ABCA10: variants seen among roughly 807,000 people sequenced by gnomAD.
The protein encoded by ABCA10 is ATP-binding cassette sub-family A member 10.
A neutral mutation model predicts 187.5 loss-of-function variants in ABCA10; 169 were observed. That is an observed-to-expected ratio of 0.90 (90% CI 0.80 to 1.02). The LOEUF is 1.02. ABCA10 is among the 50% of genes least tolerant of loss of function. ABCA10 has a pLI of 0.00. For missense variants in ABCA10, 1,727 were observed against 1,812.4 expected (o/e 0.95, Z 0.86); for synonymous variants, 574 against 601.8 (o/e 0.95, Z 0.68).
rs775350011 is a variant in ABCA10, at chr17:69,214,685, A to G, written c.1006+19T>C. Reference sequence around the variant, plus strand: ...ACAGAATTGCTTTAAATTTAACTTTAACCACACTATTAACTTACCAGGTAA... The same window carrying G: ...ACAGAATTGCTTTAAATTTAACTTTGACCACACTATTAACTTACCAGGTAA... On this transcript the variant is annotated intron_variant, in intron 9 of 38. Coordinates refer to ENST00000690296, the MANE Select transcript of ABCA10 (RefSeq NM_001377321.1). 1 of 1,448,212 alleles carries G rather than the reference A, an allele frequency of 6.9e-7. No individual in the cohort carries two copies. The highest frequency in any genetic ancestry group is 1.5e-5 in the South Asian group (1 of 68,694). The allele number at this position is 1,448,212 out of a possible 1,614,324, so 89.7% of individuals were successfully genotyped here.
chr17:69,196,118 C>A (rs1403138666), intron 11 of ABCA10: 2 of 162,648 alleles, frequency 1.2e-5, no homozygotes, highest in Admixed American at 6.5e-5. Flanking sequence ...GGGCCCCCCA[C>A]CTCCCAGACG....
At chr17:69,221,050 G>GATA (rs1476667995) in intron 5 of ABCA10, among the ~76,000 whole-genome samples, 1 of 152,136 alleles carries the variant, frequency 6.6e-6, no homozygotes, top group Non-Finnish European at 1.5e-5. Flanking sequence ...AAAACATATG[G>GATA]GATAGAAAGA....
intron 20 of ABCA10, 104 bp downstream of exon 20, chr17:69,185,373 A>G: frequency 1.7e-6 from 2 of 1,186,276 alleles, no homozygotes; most frequent in Non-Finnish European, 2.3e-6. Flanking sequence ...AAATGGAGCA[A>G]GCTGGATAGA....
intron 26 of ABCA10, 93 bp from the exon 27 acceptor site, chr17:69,164,247 T>C (rs1410365040): frequency 8.9e-6 from 9 of 1,006,294 alleles, no homozygotes; most frequent in African/African-American, 1.7e-5. Flanking sequence ...TGATGTTCTA[T>C]GGGACAACAG....
At chr17:69,177,993 T>TTATATATATATATATATATATGTTA (rs72337114) in intron 22 of ABCA10, among the ~76,000 whole-genome samples, 1 of 110,208 alleles carries the variant, frequency 9.1e-6, no homozygotes, top group Non-Finnish European at 2.1e-5. Context: ...TATATATATG[T>TTATATATATATATATATATATGTTA]TATATATATA....
rs768928197 is a variant in ABCA10 at position 69,148,898 on chromosome 17, C to T, written c.4561G>A (p.Glu1521Lys). The T allele has an allele frequency of 3.5e-5, 56 of 1,613,556 alleles. No individual in the cohort carries two copies. The highest frequency in any genetic ancestry group is 4.6e-5 in the Non-Finnish European group (54 of 1,179,830). ...QVFLELCKEQ[E>K]LGNVDDKIDT... Reference sequence around the variant, plus strand: ...ATTTTATCATCAACATTTCCCAGCTCCTGCTCTTTACAGAGTTCTAAGAAT... The same window carrying T: ...ATTTTATCATCAACATTTCCCAGCTTCTGCTCTTTACAGAGTTCTAAGAAT... Residue 1521 changes from glutamate to lysine, a missense_variant, in exon 39 of 39, where the codon GAG (glutamate) becomes AAG (lysine). Coordinates refer to ENST00000690296, the MANE Select transcript of ABCA10 (RefSeq NM_001377321.1).
intron 27 of ABCA10, 131 bp downstream of exon 27, chr17:69,163,943 A>C: frequency 1.7e-6 from 1 of 594,848 alleles, no homozygotes; most frequent in East Asian, 3.4e-5. Flanking sequence ...TCTTGCTGCC[A>C]TTATATTGGA....
intron 18 of ABCA10, among the ~76,000 whole-genome samples, chr17:69,188,109 C>T (rs1353345071): frequency 2.6e-5 from 4 of 152,120 alleles, no homozygotes; most frequent in African/African-American, 9.7e-5. Context: ...TCCTAACAAG[C>T]ATTTATTCTT....
intron 26 of ABCA10, 122 bp downstream of exon 26, chr17:69,164,842 A>T: frequency 1.6e-6 from 2 of 1,238,600 alleles, no homozygotes; most frequent in Non-Finnish European, 2.2e-6. Flanking sequence ...TCTTATTTTT[A>T]GAATTTATCA....
rs139433241 is a variant in ABCA10, at chr17:69,219,561, G to A, written c.514C>T (p.Arg172Ter). The A allele has an allele frequency of 7.2e-4, 1,144 of 1,591,400 alleles. 6 individuals are homozygous for A. In the African/African-American group the frequency reaches 0.011, roughly 15 times the overall value. The change falls in exon 6 of 39, where the codon CGA (arginine) becomes TGA (stop). Residue 172 changes from arginine to a stop codon, truncating the protein, a stop_gained. Transcript: ENST00000690296. LOFTEE classifies it high-confidence loss of function. ...TTAACTTACCAGAATGCTGACTCTC[G>A]GAGACCCATCACTGTCATCAGTTTC... ...FKKLMTVMGLRESAFWLSWGL... is the reference protein window; with the variant it reads ...FKKLMTVMGL
At chr17:69,244,411 TG>T (rs924591947) in intron 1 of ABCA10, 1 of 151,978 alleles carries the variant, frequency 6.6e-6, no homozygotes, top group African/African-American at 2.4e-5. Context: ...CAAAATGACT[TG>T]TCTTAAATTT....
rs1379299526 is a variant in ABCA10, at chr17:69,182,815, T to C, written c.2498-7A>G. ...AGGTCTTCAATATTTGATCCTAACA[T>C]AGTGGAAGGAAGGCAACAAGAAAAA... On this transcript the variant is annotated splice_region_variant and splice_polypyrimidine_tract_variant and intron_variant, in intron 20 of 38. Transcript: ENST00000690296. 1.3e-6 allele frequency: 2 copies of C among 1,523,286 alleles called. No individual in the cohort carries two copies. The highest frequency in any genetic ancestry group is 1.8e-4 in the Middle Eastern group (1 of 5,636). The allele number at this position is 1,523,286 out of a possible 1,614,324, so 94.4% of individuals were successfully genotyped here. A position where few individuals can be genotyped will look rare whatever the true frequency, so the allele number is the denominator to read the frequency against.
Position 69,155,141 on chromosome 17 carries a change from A to T in ABCA10, c.3577-5T>A, listed in dbSNP as rs1269580747. On this transcript the variant is annotated splice_region_variant and splice_polypyrimidine_tract_variant and intron_variant, in intron 29 of 38. Coordinates refer to ENST00000690296, the MANE Select transcript of ABCA10 (RefSeq NM_001377321.1). ...GCTTGCAGTTATGACTGGTTCCTGGAAAACATGACAAAGCATGATTTCCCT... is the reference window on the plus strand; with the variant it reads ...GCTTGCAGTTATGACTGGTTCCTGGTAAACATGACAAAGCATGATTTCCCT... 2 of 1,561,296 alleles carry T rather than the reference A, an allele frequency of 1.3e-6. No individual in the cohort carries two copies. The highest frequency in any genetic ancestry group is 2.7e-5 in the African/African-American group (2 of 73,238).
At chr17:69,224,367 C>T (rs1021477684) in intron 3 of ABCA10, among the ~76,000 whole-genome samples, 3 of 152,066 alleles carry the variant, frequency 2.0e-5, no homozygotes, top group Non-Finnish European at 4.4e-5. Context: ...TGTTCAGAAC[C>T]CTGGCAGAAT....
intron 27 of ABCA10, among the ~76,000 whole-genome samples, chr17:69,162,162 C>G (rs1234456834): frequency 6.6e-6 from 1 of 152,158 alleles, no homozygotes. Context: ...AAGACAAGAG[C>G]AGAGCATTCA....
chr17:69,201,165 T>A (rs1200285726), intron 10 of ABCA10, among the ~76,000 whole-genome samples: 1 of 152,210 alleles, frequency 6.6e-6, no homozygotes, highest in Non-Finnish European at 1.5e-5. Context: ...TTGAAAAACG[T>A]GTATAATATA....
intron 19 of ABCA10, among the ~76,000 whole-genome samples, chr17:69,186,578 T>TCTACTTTCA (rs2074423466): frequency 6.6e-6 from 1 of 152,216 alleles, no homozygotes. Flanking sequence ...AAAAGAGTTG[T>TCTACTTTCA]CTACTTTCAG....
intron 28 of ABCA10, 68 bp from the exon 29 acceptor site, chr17:69,155,993 C>T (rs1215399773): frequency 7.5e-6 from 11 of 1,465,752 alleles, no homozygotes; most frequent in East Asian, 2.4e-5. Flanking sequence ...AATGTAAACC[C>T]CTATAATTAA....
In ABCA10 at chr17:69,174,666, A is replaced by G. The variant is rs770900794; in HGVS notation, c.2989T>C (p.Leu997=). 15 of 1,611,918 alleles carry G rather than the reference A, an allele frequency of 9.3e-6. No individual in the cohort carries two copies. The Middle Eastern group carries it at 5.0e-4, about 53-fold the overall frequency. ...CCCAGAAATATGAAGTAGTAAATTA[A>G]ATGTATTGAAAAGAGAATCAAGAAG... The part of the protein sequence containing the change: ...LYFLILFSIH[L]IYYFIFLGFQ... Residue 997 remains leucine, a synonymous_variant, in exon 24 of 39, where the codon TTA becomes CTA. Transcript: ENST00000690296.
Sources: gnomAD v4.1 joint callset for allele counts (sites outside exome capture counted in the v4.1 genomes callset) on GRCh38, gnomAD v4.1.1 for gene constraint, MANE v1.5 for transcripts, NCBI Gene and HGNC (gene_info 2026-07-23, HGNC 2026-07-21) for gene names.